Variants in LACTB2 observed in about 807,000 individuals in gnomAD.
LACTB2 encodes endoribonuclease LACTB2.
A neutral mutation model predicts 34.8 loss-of-function variants in LACTB2; 32 were observed. The observed-to-expected ratio is 0.92, with a 90% CI of 0.69 to 1.24. LACTB2 has a LOEUF of 1.24. Among genes scored for constraint, LACTB2 ranks in the 50% most tolerant of loss-of-function variants. The pLI is 0.00. For missense variants in LACTB2, 320 were observed against 345.0 expected (o/e 0.93, Z 0.57); for synonymous variants, 120 against 117.5 (o/e 1.02, Z -0.14).
In LACTB2 at chr8:70,661,159, A is replaced by G. The variant is rs575509407; in HGVS notation, c.286+575T>C. The G allele has an allele frequency of 7.5e-6, 3 of 401,444 alleles. No homozygotes were observed. In the Admixed American group the frequency reaches 9.0e-5, roughly 12 times the overall value. The allele number at this position is 401,444 out of a possible 1,614,324, so 24.9% of individuals were successfully genotyped here. On this transcript the variant is annotated intron_variant, in intron 2 of 6. Transcript: ENST00000276590. Reference sequence around the variant, plus strand: ...AACAGAGTCTGTTTTGTTCACTGCTATACCCCTTGTGCCAAGAACACTGTC... The same window carrying G: ...AACAGAGTCTGTTTTGTTCACTGCTGTACCCCTTGTGCCAAGAACACTGTC...
intron 1 of LACTB2, among the ~76,000 whole-genome samples, chr8:70,663,479 G>A (rs145951205): frequency 3.8e-4 from 58 of 152,266 alleles, no homozygotes; most frequent in African/African-American, 1.1e-3. Context: ...TGTCCTATCC[G>A]GAGACAGGAG....
chr8:70,648,046 T>C (rs1818285332), intron 3 of LACTB2, among the ~76,000 whole-genome samples: 1 of 152,320 alleles, frequency 6.6e-6, no homozygotes. Flanking sequence ...TTACGCTACA[T>C]GAAGATTAGA....
Position 70,640,965 on chromosome 8 carries a change from T to C in LACTB2, c.678A>G (p.Thr226=), listed in dbSNP as rs758605051. 2 of 1,609,622 alleles carry C rather than the reference T, an allele frequency of 1.2e-6. No homozygotes were observed. The highest frequency in any genetic ancestry group is 1.3e-5 in the African/African-American group (1 of 74,780). The part of the protein sequence containing the change: ...HRNIREQQIL[T]LFRENFEKSF... ...ATTTCTCAAAGTTCTCACGAAATAA[T>C]GTAAGAATTTGCTGCTCTCGAATAT... is the stretch of plus-strand genomic sequence containing the variant. Residue 226 remains threonine, a synonymous_variant, in exon 5 of 7, where the codon ACA becomes ACG. Coordinates refer to ENST00000276590, the MANE Select transcript of LACTB2 (RefSeq NM_016027.3).
At chr8:70,663,478 C>G (rs540959947) in intron 1 of LACTB2, among the ~76,000 whole-genome samples, 1 of 152,128 alleles carries the variant, frequency 6.6e-6, no homozygotes, top group Non-Finnish European at 1.5e-5. Context: ...CTGTCCTATC[C>G]GGAGACAGGA....
At chr8:70,640,844 T>C (rs1818187311) in intron 5 of LACTB2, 58 bp downstream of exon 5, 5 of 1,460,908 alleles carry the variant, frequency 3.4e-6, no homozygotes, top group Non-Finnish European at 4.6e-6. Context: ...TATAGTCTAC[T>C]AAATAGATAA....
At chr8:70,653,430 AG>A (rs1180257379) in intron 3 of LACTB2, among the ~76,000 whole-genome samples, 1 of 152,202 alleles carries the variant, frequency 6.6e-6, no homozygotes, top group Non-Finnish European at 1.5e-5. Context: ...GAAACTGCCT[AG>A]AAACTACATT....
chr8:70,666,059 T>C (rs534782884), intron 1 of LACTB2, among the ~76,000 whole-genome samples: 1 of 152,176 alleles, frequency 6.6e-6, no homozygotes, highest in African/African-American at 2.4e-5. Context: ...CAGCTAAAAC[T>C]GTAGTTATCC....
At chr8:70,664,289 T>C (rs1818513441) in intron 1 of LACTB2, among the ~76,000 whole-genome samples, 1 of 152,214 alleles carries the variant, frequency 6.6e-6, no homozygotes, top group African/African-American at 2.4e-5. Context: ...TTTTGAAATA[T>C]CTCCTAATCT....
intron 1 of LACTB2, among the ~76,000 whole-genome samples, chr8:70,665,252 G>A (rs151012766): frequency 6.6e-6 from 1 of 152,162 alleles, no homozygotes; most frequent in African/African-American, 2.4e-5. Flanking sequence ...AAGGGCTCAA[G>A]GGAAGAGTAT....
intron 2 of LACTB2, chr8:70,661,133 G>C (rs555406799): frequency 2.3e-6 from 1 of 440,234 alleles, no homozygotes; most frequent in African/African-American, 2.0e-5. Context: ...AGCTCCATGA[G>C]AACAGAGTCT....
In LACTB2 at chr8:70,637,909, A is replaced by G. The variant is rs35571096; in HGVS notation, c.824-6T>C. 255,283 of 1,511,164 alleles carry G rather than the reference A, an allele frequency of 0.17. 24,607 individuals are homozygous for G. The highest frequency in any genetic ancestry group is 0.37 in the African/African-American group (26,443 of 70,684). The allele number at this position is 1,511,164 out of a possible 1,614,324, so 93.6% of individuals were successfully genotyped here. On this transcript the variant is annotated splice_polypyrimidine_tract_variant and splice_region_variant and intron_variant, in intron 6 of 6. Coordinates refer to ENST00000276590, the MANE Select transcript of LACTB2 (RefSeq NM_016027.3). ...GTCAGGATCTGTGTTGCTAACTGTA[A>G]AAAGAAAATCAGAGAGTAAAAATTT...
intron 3 of LACTB2, among the ~76,000 whole-genome samples, chr8:70,648,227 A>T (rs1371882176): frequency 1.3e-5 from 2 of 152,184 alleles, no homozygotes; most frequent in Non-Finnish European, 2.9e-5. Context: ...TGTAGTTTCC[A>T]TCAGAACACA....
Position 70,669,012 on chromosome 8 carries a change from C to T in LACTB2, c.109G>A (p.Gly37Arg), listed in dbSNP as rs755546510. ...AGGGACGTTTACCTGGGGCCGGTCC[C>T]CACTAGGTAGGTGTTGGTGCCTTGG... ...TLQGTNTYLVGTGPRRILIDT... is the reference protein window; with the variant it reads ...TLQGTNTYLVRTGPRRILIDT... The change falls in exon 1 of 7, where the codon GGG becomes AGG. Residue 37 changes from glycine to arginine, a missense_variant. Physicochemically the swap from Gly to Arg is moderately radical, Grantham distance 125. Coordinates refer to ENST00000276590, the MANE Select transcript of LACTB2 (RefSeq NM_016027.3). 1 of 1,594,648 alleles carries T rather than the reference C, an allele frequency of 6.3e-7. No individual in the cohort carries two copies. Among genetic ancestry groups the T allele is most frequent in the Non-Finnish European group, 8.5e-7 (1 of 1,171,224 alleles).
At position 70,668,876 on chromosome 8, in the gene LACTB2, C is replaced by A. The variant is rs1279743910; in HGVS notation, c.122+123G>T. 7 of 1,358,670 alleles carry A rather than the reference C, an allele frequency of 5.2e-6. No homozygotes were observed. In the East Asian group the frequency reaches 1.1e-4, roughly 21 times the overall value. The allele number at this position is 1,358,670 out of a possible 1,614,324, so 84.2% of individuals were successfully genotyped here. A position where few individuals can be genotyped will look rare whatever the true frequency, so the allele number is the denominator to read the frequency against. ...GTGCAGTCCCGACGGGGCTGCTAGGCGCGGGGCTGCCCAGCTAGGGACAGG... is the reference window on the plus strand; with the variant it reads ...GTGCAGTCCCGACGGGGCTGCTAGGAGCGGGGCTGCCCAGCTAGGGACAGG... On this transcript the variant is annotated intron_variant, in intron 1 of 6. Transcript: ENST00000276590.
chr8:70,658,216 T>C (rs2132078282), intron 2 of LACTB2, among the ~76,000 whole-genome samples: 1 of 152,178 alleles, frequency 6.6e-6, no homozygotes, highest in East Asian at 1.9e-4. Context: ...ACCTGGAAAC[T>C]CTTCTCTATC....
intron 3 of LACTB2, among the ~76,000 whole-genome samples, chr8:70,649,631 G>A (rs1388096098): frequency 6.6e-6 from 1 of 152,172 alleles, no homozygotes; most frequent in Non-Finnish European, 1.5e-5. Context: ...AAAAGTGGGA[G>A]AAGAGGAAAA....
At chr8:70,646,177 G>A (rs1224495692) in intron 3 of LACTB2, 1 of 152,140 alleles carries the variant, frequency 6.6e-6, no homozygotes, top group Non-Finnish European at 1.5e-5. Context: ...ACTTTTTAAT[G>A]ATCGCCATTC....
intron 3 of LACTB2, among the ~76,000 whole-genome samples, chr8:70,655,983 C>T (rs1036174692): frequency 1.3e-5 from 2 of 152,090 alleles, no homozygotes; most frequent in South Asian, 4.1e-4. Flanking sequence ...GTTTGTTGGC[C>T]ATTTGCATAT....
At chr8:70,645,050 T>TTTTA (rs760117371) in intron 3 of LACTB2, among the ~76,000 whole-genome samples, 31 of 151,484 alleles carry the variant, frequency 2.0e-4, no homozygotes, top group African/African-American at 4.8e-4. Context: ...TTACATCATT[T>TTTTA]TATATATATA....
Sources: gnomAD v4.1 joint callset for allele counts (sites outside exome capture counted in the v4.1 genomes callset) on GRCh38, gnomAD v4.1.1 for gene constraint, MANE v1.5 for transcripts, NCBI Gene and HGNC (gene_info 2026-07-23, HGNC 2026-07-21) for gene names.